The following BTBD7 variants were observed in gnomAD, a reference collection of about 807,000 sequenced individuals.
BTBD7 encodes BTB domain containing 7, also known as BTB/POZ domain-containing protein 7.
A neutral mutation model predicts 99.9 loss-of-function variants in BTBD7; 38 were observed. That is an observed-to-expected ratio of 0.38 (90% CI 0.29 to 0.50). The LOEUF (loss-of-function observed/expected upper bound fraction) is 0.50, where lower values mean the gene tolerates loss of function less well. BTBD7 is among the 20% of genes least tolerant of loss of function. The probability of loss-of-function intolerance (pLI) is 0.93; values close to 1 mark genes in which losing one functional copy is unlikely to be tolerated. For synonymous variants in BTBD7, 520 were observed against 511.4 expected (o/e 1.02, Z -0.23); for missense variants, 1,170 against 1,394.6 (o/e 0.84, Z 2.57).
At chr14:93,280,804 G>A (rs554563431) in intron 3 of BTBD7, among the ~76,000 whole-genome samples, 1 of 151,414 alleles carries the variant, frequency 6.6e-6, no homozygotes, top group South Asian at 2.1e-4. Context: ...TATATACTCT[G>A]AACTAAGATT....
chr14:93,250,789 C>T (rs1328920187), intron 8 of BTBD7, among the ~76,000 whole-genome samples: 2 of 152,170 alleles, frequency 1.3e-5, no homozygotes, highest in Middle Eastern at 3.2e-3. Context: ...AGTCGTAAGA[C>T]ATAAACCTGT....
At chr14:93,252,878 G>C (rs2052384799) in intron 7 of BTBD7, among the ~76,000 whole-genome samples, 1 of 151,496 alleles carries the variant, frequency 6.6e-6, no homozygotes, top group African/African-American at 2.4e-5. Flanking sequence ...TTGGAGTGCA[G>C]TGGCACAATC....
chr14:93,271,710 TA>T (rs941942761), intron 3 of BTBD7, among the ~76,000 whole-genome samples: 14 of 152,178 alleles, frequency 9.2e-5, no homozygotes, highest in Admixed American at 9.2e-4. Flanking sequence ...TGTACCAGAT[TA>T]AAACACATCC....
intron 1 of BTBD7, 37 bp downstream of exon 1, chr14:93,332,783 C>T (rs1273097041): frequency 6.8e-7 from 1 of 1,463,620 alleles, no homozygotes; most frequent in South Asian, 1.3e-5. Context: ...GACACAGCCT[C>T]GGCTCCACAG....
intron 6 of BTBD7, 30 bp downstream of exon 6, chr14:93,257,165 T>C: frequency 6.3e-7 from 1 of 1,598,130 alleles, no homozygotes; most frequent in South Asian, 1.1e-5. Flanking sequence ...TTTCTTTTCA[T>C]GAAAGGAATA....
chr14:93,297,125 AATGAAGTGT>A (rs1206674158), intron 1 of BTBD7, among the ~76,000 whole-genome samples: 1 of 152,246 alleles, frequency 6.6e-6, no homozygotes, highest in Non-Finnish European at 1.5e-5. Context: ...CTAGCCTCAC[AATGAAGTGT>A]TTTAACAAAT....
Position 93,245,791 on chromosome 14 carries a change from G to T in BTBD7, c.2583+34C>A, listed in dbSNP as rs760459841. 6.9e-6 allele frequency: 11 copies of T among 1,586,086 alleles called. 1 individual carries two copies. In the South Asian group the frequency reaches 1.2e-4, roughly 18 times the overall value. On this transcript the variant is annotated intron_variant, in intron 10 of 10. Transcript: ENST00000334746. ...AATTGCTTCTAATTCTCCATAAACC[G>T]AATTTGAAGCAAGTTACTGAAGTGT...
chr14:93,328,881 T>G (rs906247640), intron 1 of BTBD7, among the ~76,000 whole-genome samples: 1 of 152,116 alleles, frequency 6.6e-6, no homozygotes, highest in Non-Finnish European at 1.5e-5. Flanking sequence ...CACACTAGTG[T>G]ACTCCAGCCT....
At chr14:93,331,798 T>A (rs1338502130) in intron 1 of BTBD7, among the ~76,000 whole-genome samples, 1 of 151,176 alleles carries the variant, frequency 6.6e-6, no homozygotes, top group Admixed American at 6.6e-5. Context: ...GGAGAATCGC[T>A]TGAACCTGAG....
chr14:93,285,543 G>A (rs1163641307), intron 3 of BTBD7, among the ~76,000 whole-genome samples: 1 of 152,070 alleles, frequency 6.6e-6, no homozygotes, highest in Non-Finnish European at 1.5e-5. Flanking sequence ...TAATTCTGGG[G>A]TATTTTGCTC....
chr14:93,295,010 G>C, intron 2 of BTBD7, 73 bp from the exon 3 acceptor site: 1 of 1,398,016 alleles, frequency 7.2e-7, no homozygotes, highest in Non-Finnish European at 9.4e-7. Flanking sequence ...CATTTTTCAT[G>C]TTGAAAAATT....
chr14:93,291,092 C>CA (rs61577053), intron 3 of BTBD7, among the ~76,000 whole-genome samples: 1 of 147,408 alleles, frequency 6.8e-6, no homozygotes, highest in South Asian at 2.2e-4. Context: ...CTCAGCCTCT[C>CA]AAAGTGCTGG....
chr14:93,332,630 G>A (rs2053458316), intron 1 of BTBD7, among the ~76,000 whole-genome samples, 190 bp downstream of exon 1: 1 of 151,562 alleles, frequency 6.6e-6, no homozygotes, highest in Non-Finnish European at 1.5e-5. Context: ...CCAGTCCGGC[G>A]CCGCCGCGCC....
intron 6 of BTBD7, chr14:93,255,372 C>G (rs1036619079): frequency 1.3e-5 from 2 of 151,952 alleles, no homozygotes; most frequent in African/African-American, 4.8e-5. Flanking sequence ...GTCTTGAACT[C>G]CTCAACTCAA....
chr14:93,273,392 C>CAGGT (rs1430373269), intron 3 of BTBD7, among the ~76,000 whole-genome samples: 1 of 152,198 alleles, frequency 6.6e-6, no homozygotes, highest in Non-Finnish European at 1.5e-5. Context: ...TGAAGACTTC[C>CAGGT]AGGTCAGTGT....
intron 1 of BTBD7, among the ~76,000 whole-genome samples, chr14:93,320,363 G>A (rs570899111): frequency 5.3e-5 from 8 of 152,162 alleles, no homozygotes; most frequent in Non-Finnish European, 1.0e-4. Context: ...CCTCTAACAG[G>A]TAGAAGCCAA....
In BTBD7 at chr14:93,278,539, C is replaced by T. The variant is rs559460970; in HGVS notation, c.1163-14546G>A. The stretch of plus-strand genomic sequence containing the variant: ...CTCAGAGATCATATTCCCTCTTCCC[C>T]CTACCTGTGGAAGAGTAGCTGTGGA... On this transcript the variant is annotated intron_variant, in intron 3 of 10. Coordinates refer to ENST00000334746, the MANE Select transcript of BTBD7 (RefSeq NM_001002860.4). Among the ~76,000 whole-genome samples, 175 of 152,302 alleles carry T rather than the reference C, an allele frequency of 1.1e-3. 1 individual carries two copies. In the Middle Eastern group the frequency reaches 0.017, roughly 15 times the overall value.
intron 1 of BTBD7, among the ~76,000 whole-genome samples, chr14:93,296,575 C>T (rs2052929407): frequency 6.6e-6 from 1 of 152,078 alleles, no homozygotes; most frequent in African/African-American, 2.4e-5. Flanking sequence ...ACCGCACATA[C>T]AAATAACACA....
chr14:93,306,174 AG>A (rs1008598875), intron 1 of BTBD7, among the ~76,000 whole-genome samples: 4 of 152,232 alleles, frequency 2.6e-5, no homozygotes, highest in African/African-American at 9.6e-5. Flanking sequence ...AATGGTGGAG[AG>A]GAAGAAGGAA....
Sources: gnomAD v4.1 joint callset for allele counts (sites outside exome capture counted in the v4.1 genomes callset) on GRCh38, gnomAD v4.1.1 for gene constraint, MANE v1.5 for transcripts, NCBI Gene and HGNC (gene_info 2026-07-23, HGNC 2026-07-21) for gene names.